DPP10: variants seen among roughly 807,000 people sequenced by gnomAD.
DPP10 encodes the protein dipeptidyl peptidase like 10.
Under a neutral mutation model 120.9 loss-of-function variants are expected in DPP10, and 33 were observed. The observed-to-expected ratio is 0.27, with a 90% CI of 0.21 to 0.37. The LOEUF (loss-of-function observed/expected upper bound fraction) is 0.37, where lower values mean the gene tolerates loss of function less well. Ranked by LOEUF, DPP10 falls within the 10% of genes least tolerant of loss-of-function variation. DPP10 has a pLI of 1.00. For missense variants in DPP10, 816 were observed against 942.8 expected, an observed-to-expected ratio of 0.87 and a Z score of 1.76; for synonymous variants, 337 against 326.1, an observed-to-expected ratio of 1.03 and a Z score of -0.36.
intron 5 of DPP10, among the ~76,000 whole-genome samples, chr2:115,660,654 G>GTTT (rs1575462846): frequency 8.1e-5 from 1 of 12,278 alleles, no homozygotes; most frequent in Non-Finnish European, 3.4e-4. Context: ...TCTCTGTCTG[G>GTTT]CTTTTTTTTT....
intron 1 of DPP10, among the ~76,000 whole-genome samples, chr2:115,199,183 A>G (rs2055508939): frequency 6.6e-6 from 1 of 152,144 alleles, no homozygotes. Context: ...ACAAACTTCA[A>G]ATTCTTGATG....
chr2:114,932,183 C>A (rs1294661752), intron 1 of DPP10, among the ~76,000 whole-genome samples: 1 of 152,190 alleles, frequency 6.6e-6, no homozygotes, highest in East Asian at 1.9e-4. Context: ...TAGAGCCAGG[C>A]AATTTGTTTT....
intron 19 of DPP10, among the ~76,000 whole-genome samples, chr2:115,793,006 A>T (rs1451398806): frequency 6.6e-6 from 1 of 152,232 alleles, no homozygotes; most frequent in Non-Finnish European, 1.5e-5. Flanking sequence ...AAAACCGAAT[A>T]AGAGTTAACA....
At chr2:115,368,540 T>G (rs2065211435) in intron 3 of DPP10, among the ~76,000 whole-genome samples, 1 of 152,102 alleles carries the variant, frequency 6.6e-6, no homozygotes, top group Admixed American at 6.6e-5. Context: ...ATATCACACT[T>G]ATCCTTAATT....
chr2:115,767,985 G>T (rs1437204800), intron 12 of DPP10, among the ~76,000 whole-genome samples: 1 of 152,040 alleles, frequency 6.6e-6, no homozygotes, highest in African/African-American at 2.4e-5. Context: ...ACAATCTTAT[G>T]TGAAGATATG....
At chr2:114,811,316 G>A (rs541601123) in intron 1 of DPP10, among the ~76,000 whole-genome samples, 1 of 152,234 alleles carries the variant, frequency 6.6e-6, no homozygotes, top group African/African-American at 2.4e-5. Context: ...AGATATGTCT[G>A]GGAACGAAAG....
intron 7 of DPP10, among the ~76,000 whole-genome samples, chr2:115,710,737 T>G (rs956000672): frequency 2.0e-5 from 3 of 152,134 alleles, no homozygotes; most frequent in Non-Finnish European, 2.9e-5. Flanking sequence ...TATTTTATTC[T>G]TATTCCCAAA....
chr2:115,777,096 G>T, intron 13 of DPP10, 112 bp from the exon 14 acceptor site: 2 of 888,876 alleles, frequency 2.3e-6, no homozygotes, highest in South Asian at 1.7e-5. Context: ...AAAACTGAGT[G>T]TTAACTGAGA....
intron 3 of DPP10, among the ~76,000 whole-genome samples, chr2:115,371,217 T>C (rs35583738): frequency 0.027 from 4,149 of 152,260 alleles, 71 homozygotes; most frequent in South Asian, 0.06. Flanking sequence ...ATGTGAATTT[T>C]AAATTTTACA....
chr2:115,088,716 G>T, intron 1 of DPP10, among the ~76,000 whole-genome samples: 1 of 107,544 alleles, frequency 9.3e-6, no homozygotes, highest in South Asian at 3.3e-4. Flanking sequence ...AAAGTGCCGG[G>T]ATTAGGATTA....
chr2:114,771,658 T>G (rs1262092539), intron 1 of DPP10, among the ~76,000 whole-genome samples: 1 of 152,172 alleles, frequency 6.6e-6, no homozygotes, highest in Non-Finnish European at 1.5e-5. Context: ...GGGAGGAAAC[T>G]CACTTGTTCA....
intron 3 of DPP10, among the ~76,000 whole-genome samples, chr2:115,349,043 A>G (rs1486891076): frequency 2.0e-5 from 3 of 152,134 alleles, no homozygotes; most frequent in Non-Finnish European, 2.9e-5. Context: ...TCAGTATTCA[A>G]TGAGTGCTCC....
chr2:115,170,558 T>G (rs538442513), intron 1 of DPP10, among the ~76,000 whole-genome samples: 3 of 152,320 alleles, frequency 2.0e-5, no homozygotes, highest in Non-Finnish European at 2.9e-5. Flanking sequence ...CCTCACTAGC[T>G]TTTAGGGACT....
chr2:114,603,014 T>C (rs1372016705), intron 1 of DPP10, among the ~76,000 whole-genome samples: 1 of 151,966 alleles, frequency 6.6e-6, no homozygotes, highest in Non-Finnish European at 1.5e-5. Flanking sequence ...GCGGAAAAAA[T>C]GTCAGAAGAC....
intron 5 of DPP10, among the ~76,000 whole-genome samples, chr2:115,657,941 G>A (rs1046005884): frequency 1.3e-5 from 2 of 151,710 alleles, no homozygotes; most frequent in African/African-American, 4.8e-5. Context: ...ACAGAGCATA[G>A]GTACATGTTG....
intron 1 of DPP10, among the ~76,000 whole-genome samples, chr2:114,644,410 A>T (rs1695963580): frequency 6.6e-6 from 1 of 151,638 alleles, no homozygotes; most frequent in Non-Finnish European, 1.5e-5. Flanking sequence ...GAAACCCCAC[A>T]TATCCACATA....
rs75947814 is a variant in DPP10, at chr2:114,680,665, C to G, written c.60+237827C>G. On this transcript the variant is annotated intron_variant, in intron 1 of 25. Coordinates refer to ENST00000410059, the MANE Select transcript of DPP10 (RefSeq NM_020868.6). ...CTTCATAAGTGTAAAGTACAAATGG[C>G]CTAATGAATATAGTCCTGAAGAAAA... Among the ~76,000 whole-genome samples, 92 of 151,946 alleles carry G rather than the reference C, an allele frequency of 6.1e-4. No homozygotes were observed. In the East Asian group the frequency reaches 0.017, roughly 28 times the overall value.
intron 5 of DPP10, among the ~76,000 whole-genome samples, chr2:115,622,148 C>T (rs10183108): frequency 0.25 from 38,228 of 152,016 alleles, 5,154 homozygotes; most frequent in East Asian, 0.39. Context: ...ACCTTGATCA[C>T]ATTAGCAATC....
intron 1 of DPP10, among the ~76,000 whole-genome samples, chr2:115,175,900 G>A (rs1310101217): frequency 1.3e-5 from 2 of 152,226 alleles, no homozygotes; most frequent in Non-Finnish European, 2.9e-5. Context: ...AAACTTTAAT[G>A]TGGGTATGAA....
Sources: allele counts gnomAD v4.1 joint callset (sites outside exome capture counted in the v4.1 genomes callset), GRCh38; gene constraint gnomAD v4.1.1; transcripts MANE v1.5; gene names NCBI Gene and HGNC (gene_info 2026-07-23, HGNC 2026-07-21).